RGMA: variants seen among roughly 807,000 people sequenced by gnomAD.
The protein encoded by RGMA is repulsive guidance molecule BMP co-receptor a.
RGMA carries 10 observed loss-of-function variants against 23.2 expected under a neutral mutation model. The ratio of observed to expected loss-of-function variants is 0.43; its 90% CI spans 0.27 to 0.73. The LOEUF is 0.73. RGMA is among the 30% of genes least tolerant of loss of function. The pLI is 0.20. For missense variants in RGMA, 547 were observed against 630.5 expected (o/e 0.87, Z 1.42); for synonymous variants, 308 against 279.3 (o/e 1.10, Z -1.03).
chr15:93,062,714 T>A (rs1431564249), intron 2 of RGMA: 2 of 152,100 alleles, frequency 1.3e-5, no homozygotes, highest in African/African-American at 4.8e-5. Context: ...AGGAGACAGG[T>A]TTACCTGCCG....
intron 3 of RGMA, among the ~76,000 whole-genome samples, chr15:93,049,913 G>A (rs1189286232): frequency 6.6e-6 from 1 of 152,254 alleles, no homozygotes; most frequent in African/African-American, 2.4e-5. Context: ...GGTGGTCACA[G>A]AAACCCAGAG....
chr15:93,073,980 C>T, intron 1 of RGMA: 1 of 1,419,730 alleles, frequency 7.0e-7, no homozygotes, highest in South Asian at 1.5e-5. Flanking sequence ...GGGAGGGCTT[C>T]AGTATGGTGA....
At chr15:93,064,124 G>C (rs112726828) in intron 2 of RGMA, among the ~76,000 whole-genome samples, 2,575 of 149,450 alleles carry the variant, frequency 0.017, 91 homozygotes, top group African/African-American at 0.06. Flanking sequence ...GATGGTGTGA[G>C]AGTGTGGTGT....
rs189362653 is a variant in RGMA, at chr15:93,088,690, C to T, written c.14+229G>A. Reference sequence around the variant, plus strand: ...CCAACCACGCGCGCTGGCGGCTGCCCGGGGGAGAGTATTTTAGGAAAAAAG... The same window carrying T: ...CCAACCACGCGCGCTGGCGGCTGCCTGGGGGAGAGTATTTTAGGAAAAAAG... On this transcript the variant is annotated intron_variant, in intron 1 of 3. Coordinates refer to ENST00000329082, the MANE Select transcript of RGMA (RefSeq NM_020211.3). The T allele has an allele frequency of 6.3e-5, 50 of 789,528 alleles. No individual in the cohort carries two copies. The African/African-American group carries it at 6.9e-4, about 11-fold the overall frequency. 48.9% of individuals were successfully genotyped at this position (789,528 alleles called of 1,614,324 possible).
intron 3 of RGMA, among the ~76,000 whole-genome samples, chr15:93,049,861 T>C (rs1466704342): frequency 6.6e-6 from 1 of 151,970 alleles, no homozygotes; most frequent in African/African-American, 2.4e-5. Context: ...CAGTGGGTGG[T>C]AGAGTCTGGC....
At chr15:93,087,942 T>C (rs1464980408) in intron 1 of RGMA, among the ~76,000 whole-genome samples, 1 of 152,106 alleles carries the variant, frequency 6.6e-6, no homozygotes, top group African/African-American at 2.4e-5. Context: ...TTCCCGCCTC[T>C]CCACCTTGTG....
intron 1 of RGMA, among the ~76,000 whole-genome samples, chr15:93,081,532 C>T (rs376434562): frequency 6.6e-6 from 1 of 152,158 alleles, no homozygotes; most frequent in Non-Finnish European, 1.5e-5. Flanking sequence ...ACCAGGTTCC[C>T]GTAAAAGAGA....
Position 93,056,683 on chromosome 15 carries a change from G to A in RGMA, c.131-4176C>T, listed in dbSNP as rs539166046. Among the ~76,000 whole-genome samples, 123 of 152,348 alleles carry A rather than the reference G, an allele frequency of 8.1e-4. 1 individual carries two copies. Among genetic ancestry groups the A allele is most frequent in the African/African-American group, 2.8e-3 (117 of 41,588 alleles). On this transcript the variant is annotated intron_variant, in intron 2 of 3. Transcript: ENST00000329082. ...TCCAAGTTCTGCCAGCCCCAGCTCT[G>A]GGTGGGCTGAGGGCCAGCACAGGCC...
Position 93,044,850 on chromosome 15 carries a change from G to A in RGMA, c.*148C>T, listed in dbSNP as rs2272453. On this transcript the variant is annotated 3_prime_UTR_variant, in exon 4 of 4. Coordinates refer to ENST00000329082, the MANE Select transcript of RGMA (RefSeq NM_020211.3). ...ACGTGCACTAGAAGGGGAGGGGTCC[G>A]TGCCTGAGCCCTTGGCAGCAGGCGG... The A allele has an allele frequency of 0.66, 430,761 of 655,336 alleles. 148,792 individuals carry two copies. The highest frequency in any genetic ancestry group is 0.74 in the Non-Finnish European group (280,958 of 381,164). The allele number at this position is 655,336 out of a possible 1,614,324, so 40.6% of individuals were successfully genotyped here.
chr15:93,088,080 A>G lies in RGMA; in HGVS notation c.14+839T>C, dbSNP rs533401463. ...GACACCCAATTTATAAAATAAATAC[A>G]ACCCAACACCTCCCAAAACCACACC... On this transcript the variant is annotated intron_variant, in intron 1 of 3. Transcript: ENST00000329082. 3.3e-5 allele frequency among the ~76,000 whole-genome samples: 5 copies of G among 152,340 alleles called. No individual in the cohort carries two copies. The South Asian group carries it at 1.0e-3, about 32-fold the overall frequency.
chr15:93,066,622 T>TCAC (rs1895163749), intron 2 of RGMA: 1 of 447,068 alleles, frequency 2.2e-6, no homozygotes. Flanking sequence ...GGGACTGCCG[T>TCAC]CACCACCGCC....
chr15:93,065,762 C>T (rs747030649), intron 2 of RGMA: 37 of 1,152,778 alleles, frequency 3.2e-5, no homozygotes, highest in Non-Finnish European at 4.3e-5. Context: ...TTGGTCTCAC[C>T]GTCCCCACCT....
At position 93,052,091 on chromosome 15, in the gene RGMA, C is replaced by T. The variant is rs760294342; in HGVS notation, c.547G>A (p.Val183Met). ...TFTDRFQTCKVQGAWPLIDNN... is the reference protein window; with the variant it reads ...TFTDRFQTCKMQGAWPLIDNN... ...TCGATGAGCGGCCAGGCGCCCTGCA[C>T]CTTGCAGGTCTGGAAGCGGTCGGTG... The change falls in exon 3 of 4, where the codon GTG becomes ATG. Residue 183 changes from valine to methionine, a missense_variant. Coordinates refer to ENST00000329082, the MANE Select transcript of RGMA (RefSeq NM_020211.3). 6.2e-7 allele frequency: 1 copy of T among 1,613,678 alleles called. No homozygotes were observed. The highest frequency in any genetic ancestry group is 8.5e-7 in the Non-Finnish European group (1 of 1,179,772).
rs547353278 is a variant in RGMA, at chr15:93,088,489, G to A, written c.14+430C>T. 48 of 990,750 alleles carry A rather than the reference G, an allele frequency of 4.8e-5. No individual in the cohort carries two copies. In the African/African-American group the frequency reaches 7.5e-4, roughly 15 times the overall value. 61.4% of individuals were successfully genotyped at this position (990,750 alleles called of 1,614,324 possible). ...CCGACATCCCCGAGGGCAGGAGATGGCCAGGCAGCTCCGCAGCCGGGCGTC... is the reference window on the plus strand; with the variant it reads ...CCGACATCCCCGAGGGCAGGAGATGACCAGGCAGCTCCGCAGCCGGGCGTC... On this transcript the variant is annotated intron_variant, in intron 1 of 3. Coordinates refer to ENST00000329082, the MANE Select transcript of RGMA (RefSeq NM_020211.3).
At chr15:93,072,397 G>C (rs542895917) in intron 2 of RGMA, among the ~76,000 whole-genome samples, 5 of 152,362 alleles carry the variant, frequency 3.3e-5, no homozygotes, top group African/African-American at 9.6e-5. Flanking sequence ...TTTGAGCCGA[G>C]TCCGTGGGTG....
chr15:93,084,963 A>G (rs1350215844), intron 1 of RGMA, among the ~76,000 whole-genome samples: 1 of 152,112 alleles, frequency 6.6e-6, no homozygotes, highest in East Asian at 1.9e-4. Flanking sequence ...GCATGCTTCC[A>G]CCTAATCTTG....
chr15:93,088,660 T>C lies in RGMA; in HGVS notation c.14+259A>G, dbSNP rs1016521090. ...CACGGTGTAAGGGACGTGTGCCGGG[T>C]CTGCCCAACCACGCGCGCTGGCGGC... is the stretch of plus-strand genomic sequence containing the variant. On this transcript the variant is annotated intron_variant, in intron 1 of 3. Coordinates refer to ENST00000329082, the MANE Select transcript of RGMA (RefSeq NM_020211.3). The C allele has an allele frequency of 7.3e-6, 7 of 964,682 alleles. No individual in the cohort carries two copies. In the Admixed American group the frequency reaches 1.7e-4, roughly 23 times the overall value. The allele number at this position is 964,682 out of a possible 1,614,324, so 59.8% of individuals were successfully genotyped here.
At chr15:93,078,868 T>C (rs946337412) in intron 1 of RGMA, among the ~76,000 whole-genome samples, 3 of 152,216 alleles carry the variant, frequency 2.0e-5, no homozygotes, top group Admixed American at 6.5e-5. Context: ...ACAAACATTT[T>C]GCAAAGACCC....
At chr15:93,072,487 G>A (rs1190592194) in intron 2 of RGMA, among the ~76,000 whole-genome samples, 1 of 152,118 alleles carries the variant, frequency 6.6e-6, no homozygotes, top group Non-Finnish European at 1.5e-5. Flanking sequence ...GGACCTCAGG[G>A]GCGACCCTGG....
Sources: gnomAD v4.1 joint callset for allele counts (sites outside exome capture counted in the v4.1 genomes callset) on GRCh38, gnomAD v4.1.1 for gene constraint, MANE v1.5 for transcripts, NCBI Gene and HGNC (gene_info 2026-07-23, HGNC 2026-07-21) for gene names.